The following TRIM9 variants were observed in gnomAD, a reference collection of about 807,000 sequenced individuals.
TRIM9 encodes the protein E3 ubiquitin-protein ligase TRIM9.
A neutral mutation model predicts 78.3 loss-of-function variants in TRIM9; 26 were observed. That is an observed-to-expected ratio of 0.33 (90% confidence interval 0.24 to 0.46). The LOEUF is 0.46. Among genes scored for constraint, TRIM9 ranks in the 20% least tolerant of loss-of-function variants. TRIM9 has a pLI of 1.00. For missense variants in TRIM9, 787 were observed against 1,036.4 expected, an observed-to-expected ratio of 0.76 and a Z score of 3.30; for synonymous variants, 398 against 416.5, an observed-to-expected ratio of 0.96 and a Z score of 0.54.
At chr14:51,073,497 T>C (rs917346906) in intron 1 of TRIM9, among the ~76,000 whole-genome samples, 1 of 152,078 alleles carries the variant, frequency 6.6e-6, no homozygotes, top group East Asian at 1.9e-4. Context: ...TGCAACAATA[T>C]AAGTGGATCC....
intron 4 of TRIM9, among the ~76,000 whole-genome samples, chr14:51,009,615 G>T (rs935539202): frequency 1.2e-4 from 18 of 152,170 alleles, no homozygotes; most frequent in African/African-American, 4.1e-4. Flanking sequence ...TAAAGTGTGG[G>T]TATCCTATAA....
intron 7 of TRIM9, among the ~76,000 whole-genome samples, chr14:50,990,139 T>C (rs1408907084): frequency 3.9e-5 from 6 of 152,172 alleles, no homozygotes; most frequent in Non-Finnish European, 8.8e-5. Flanking sequence ...TCCCTCAGCA[T>C]CCTGAGTAGC....
chr14:51,039,632 C>A (rs1449988966), intron 1 of TRIM9, among the ~76,000 whole-genome samples: 3 of 152,242 alleles, frequency 2.0e-5, no homozygotes, highest in Non-Finnish European at 4.4e-5. Context: ...AGGGGATTCT[C>A]TAAGGTATGG....
intron 6 of TRIM9, among the ~76,000 whole-genome samples, chr14:50,998,714 G>C (rs1364721934): frequency 1.3e-5 from 2 of 152,180 alleles, no homozygotes; most frequent in African/African-American, 4.8e-5. Flanking sequence ...CAAGCCACCG[G>C]GGATAGGTTT....
At position 51,094,890 on chromosome 14, in the gene TRIM9, T is replaced by C; in HGVS notation, c.50A>G (p.Tyr17Cys). 4 of 1,509,038 alleles carry C rather than the reference T, an allele frequency of 2.7e-6. No homozygotes were observed. Among genetic ancestry groups the C allele is most frequent in the South Asian group, 1.4e-5 (1 of 72,008 alleles). 93.5% of individuals were successfully genotyped at this position (1,509,038 alleles called of 1,614,324 possible). ...GCAGGGCAGGATGATGGGCTCCCGA[T>C]AGAAGGAGCCGCACACGGGGCATTT... ...ELKCPVCGSF[Y>C]REPIILPCSH... Residue 17 changes from tyrosine (Y) to cysteine (C), a missense_variant, in exon 1 of 13, where the codon TAT becomes TGT. Coordinates refer to ENST00000684578, the MANE Select transcript of TRIM9 (RefSeq NM_001387360.1).
intron 3 of TRIM9, among the ~76,000 whole-genome samples, chr14:51,012,474 T>C (rs927444666): frequency 6.6e-6 from 1 of 152,238 alleles, no homozygotes; most frequent in Non-Finnish European, 1.5e-5. Flanking sequence ...CATTCACCCA[T>C]TGATGAATAC....
intron 1 of TRIM9, among the ~76,000 whole-genome samples, chr14:51,028,578 G>A (rs2139838163): frequency 1.3e-5 from 2 of 152,370 alleles, no homozygotes; most frequent in Middle Eastern, 3.4e-3. Context: ...ATGCAAATAT[G>A]TAGTATGTGT....
At chr14:51,093,836 C>G (rs2064671870) in intron 1 of TRIM9, among the ~76,000 whole-genome samples, 2 of 152,232 alleles carry the variant, frequency 1.3e-5, no homozygotes, top group Non-Finnish European at 2.9e-5. Context: ...AGACCCGCCG[C>G]GGAAAGGGGG....
intron 1 of TRIM9, among the ~76,000 whole-genome samples, chr14:51,035,582 T>G (rs144809598): frequency 6.6e-6 from 1 of 152,268 alleles, no homozygotes; most frequent in Non-Finnish European, 1.5e-5. Flanking sequence ...ATCTTAAAAC[T>G]GTTCCCTGGT....
intron 5 of TRIM9, 128 bp downstream of exon 5, chr14:51,008,952 T>C (rs2056210270): frequency 1.1e-6 from 1 of 917,484 alleles, no homozygotes; most frequent in Non-Finnish European, 1.7e-6. Flanking sequence ...TAAGGATACA[T>C]TTTCATTACA....
intron 2 of TRIM9, among the ~76,000 whole-genome samples, chr14:51,024,930 A>G (rs11844215): frequency 0.19 from 28,729 of 152,160 alleles, 3,243 homozygotes; most frequent in African/African-American, 0.32. Context: ...GGAAACCTAC[A>G]AGGTTTTACA....
chr14:51,087,537 G>C (rs2063878603), intron 1 of TRIM9, among the ~76,000 whole-genome samples: 1 of 152,138 alleles, frequency 6.6e-6, no homozygotes, highest in Admixed American at 6.5e-5. Context: ...GAATGATCTT[G>C]GCTTTGAGAT....
intron 3 of TRIM9, among the ~76,000 whole-genome samples, chr14:51,021,756 A>G (rs746581260): frequency 5.3e-5 from 8 of 152,172 alleles, no homozygotes; most frequent in Non-Finnish European, 1.0e-4. Flanking sequence ...CTTCCCATGC[A>G]TTCATCCTTC....
intron 1 of TRIM9, among the ~76,000 whole-genome samples, chr14:51,060,693 T>G (rs1293364633): frequency 6.6e-6 from 1 of 152,162 alleles, no homozygotes; most frequent in East Asian, 1.9e-4. Context: ...GGTCTCGATC[T>G]ACTGACCTCG....
At chr14:50,992,650 G>C (rs975724704) in intron 7 of TRIM9, among the ~76,000 whole-genome samples, 3 of 152,070 alleles carry the variant, frequency 2.0e-5, no homozygotes, top group Admixed American at 2.0e-4. Context: ...ATGCATCTGA[G>C]GCCAATTTGC....
intron 1 of TRIM9, among the ~76,000 whole-genome samples, chr14:51,060,397 T>C (rs566224627): frequency 2.6e-5 from 4 of 152,350 alleles, no homozygotes; most frequent in African/African-American, 9.6e-5. Flanking sequence ...ACACAGTATG[T>C]ATTCTGTGTC....
chr14:51,019,292 A>C (rs1316037063), intron 3 of TRIM9, among the ~76,000 whole-genome samples: 1 of 152,210 alleles, frequency 6.6e-6, no homozygotes, highest in African/African-American at 2.4e-5. Flanking sequence ...GCTCAAAAAC[A>C]CTTCTTCCCT....
chr14:51,062,605 G>A (rs2061434227), intron 1 of TRIM9, among the ~76,000 whole-genome samples: 1 of 152,162 alleles, frequency 6.6e-6, no homozygotes. Flanking sequence ...GTGGGGGAGG[G>A]ATATCAAGGA....
chr14:51,025,735 T>G (rs1293401146), intron 1 of TRIM9, among the ~76,000 whole-genome samples: 1 of 143,160 alleles, frequency 7.0e-6, no homozygotes, highest in Non-Finnish European at 1.5e-5. Flanking sequence ...CAACGTTACT[T>G]AGCACAAAGG....
Sources: allele counts gnomAD v4.1 joint callset (sites outside exome capture counted in the v4.1 genomes callset), GRCh38; gene constraint gnomAD v4.1.1; transcripts MANE v1.5; gene names NCBI Gene and HGNC (gene_info 2026-07-23, HGNC 2026-07-21).